The following PRKAA2 variants were observed in gnomAD, a reference collection of about 807,000 sequenced individuals.
PRKAA2 encodes protein kinase AMP-activated catalytic subunit alpha 2, also known as 5'-AMP-activated protein kinase catalytic subunit alpha-2.
Under a neutral mutation model 56.3 loss-of-function variants are expected in PRKAA2, and 40 were observed. That is an observed-to-expected ratio of 0.71 (90% CI 0.55 to 0.92). The LOEUF (loss-of-function observed/expected upper bound fraction) is 0.92, where lower values mean the gene tolerates loss of function less well. PRKAA2 is among the 40% of genes least tolerant of loss of function. The probability of loss-of-function intolerance (pLI) is 0.00; values close to 1 mark genes in which losing one functional copy is unlikely to be tolerated. For missense variants in PRKAA2, 542 were observed against 686.9 expected, an observed-to-expected ratio of 0.79 and a Z score of 2.36; for synonymous variants, 214 against 234.2, an observed-to-expected ratio of 0.91 and a Z score of 0.79.
In PRKAA2 at chr1:56,645,450, G is replaced by T; in HGVS notation, c.63G>T (p.Thr21=). 2.0e-6 allele frequency: 3 copies of T among 1,507,980 alleles called. No individual in the cohort carries two copies. Among genetic ancestry groups the T allele is most frequent in the Non-Finnish European group, 2.7e-6 (3 of 1,122,046 alleles). 93.4% of individuals were successfully genotyped at this position (1,507,980 alleles called of 1,614,324 possible). The change falls in exon 1 of 9, where the codon ACG becomes ACT. Residue 21 remains threonine, a synonymous_variant. Transcript: ENST00000371244. ...VKIGHYVLGD[T]LGVGTFGKVK... ...TCGGACACTACGTGCTGGGCGACAC[G>T]CTGGGCGTCGGCACCTTCGGCAAAG...
intron 1 of PRKAA2, chr1:56,671,387 C>T (rs1398317044): frequency 6.6e-6 from 1 of 152,094 alleles, no homozygotes; most frequent in Non-Finnish European, 1.5e-5. Flanking sequence ...ATAAAATTCC[C>T]AAAGATGAGT....
At chr1:56,672,772 G>T (rs1446440981) in intron 1 of PRKAA2, among the ~76,000 whole-genome samples, 1 of 152,144 alleles carries the variant, frequency 6.6e-6, no homozygotes, top group Non-Finnish European at 1.5e-5. Flanking sequence ...TGACTGTTTG[G>T]TATCCGTAGA....
chr1:56,652,614 G>A (rs1643910418), intron 1 of PRKAA2, among the ~76,000 whole-genome samples: 1 of 152,180 alleles, frequency 6.6e-6, no homozygotes, highest in South Asian at 2.1e-4. Context: ...TAGATGCTGA[G>A]CCTTTGTTTC....
At chr1:56,650,517 T>A (rs1646678471) in intron 1 of PRKAA2, among the ~76,000 whole-genome samples, 1 of 152,226 alleles carries the variant, frequency 6.6e-6, no homozygotes, top group African/African-American at 2.4e-5. Context: ...TCTAGAAGAA[T>A]GGTCCTGTTG....
In PRKAA2 at chr1:56,704,373, G is replaced by A. The variant is rs368509551; in HGVS notation, c.1191G>A (p.Val397=). 3.1e-6 allele frequency: 5 copies of A among 1,613,968 alleles called. No individual in the cohort carries two copies. In the African/African-American group the frequency reaches 6.7e-5, roughly 22 times the overall value. Residue 397 remains valine, a synonymous_variant, in exon 7 of 9, where the codon GTG becomes GTA. Coordinates refer to ENST00000371244, the MANE Select transcript of PRKAA2 (RefSeq NM_006252.4). ...CGACTAAGCCCAAATCTTTAGCTGTGAAAAAAGCCAAGTGGCATCTTGGAA... is the reference window on the plus strand; with the variant it reads ...CGACTAAGCCCAAATCTTTAGCTGTAAAAAAAGCCAAGTGGCATCTTGGAA... ...LNTTKPKSLA[V]KKAKWHLGIR... is the part of the protein sequence containing the mutation.
chr1:56,690,081 T>G (rs942469220), intron 2 of PRKAA2, among the ~76,000 whole-genome samples: 1 of 151,214 alleles, frequency 6.6e-6, no homozygotes. Flanking sequence ...CAACATTATC[T>G]TTTTAATCTG....
At chr1:56,650,648 T>G (rs1479076558) in intron 1 of PRKAA2, among the ~76,000 whole-genome samples, 1 of 152,180 alleles carries the variant, frequency 6.6e-6, no homozygotes, top group African/African-American at 2.4e-5. Flanking sequence ...TTAAACAAAT[T>G]TTTTTCAACA....
At chr1:56,691,046 C>A (rs1644225856) in intron 2 of PRKAA2, among the ~76,000 whole-genome samples, 2 of 152,104 alleles carry the variant, frequency 1.3e-5, no homozygotes, top group Non-Finnish European at 2.9e-5. Flanking sequence ...AGTGTCTGGC[C>A]CAAGTATATT....
At position 56,656,008 on chromosome 1, in the gene PRKAA2, A is replaced by C. The variant is rs117758907; in HGVS notation, c.94+10527A>C. ...AGATAGTAAAGATATCAAACACAGAATTTTAAATAACTGATACTTTTGTTT... is the reference window on the plus strand; with the variant it reads ...AGATAGTAAAGATATCAAACACAGACTTTTAAATAACTGATACTTTTGTTT... On this transcript the variant is annotated intron_variant, in intron 1 of 8. Transcript: ENST00000371244. Among the ~76,000 whole-genome samples, 191 of 152,348 alleles carry C rather than the reference A, an allele frequency of 1.3e-3. 3 individuals are homozygous for C. The East Asian group carries it at 0.031, about 25-fold the overall frequency.
At chr1:56,647,171 A>G (rs1341092140) in intron 1 of PRKAA2, among the ~76,000 whole-genome samples, 1 of 152,204 alleles carries the variant, frequency 6.6e-6, no homozygotes, top group African/African-American at 2.4e-5. Context: ...TAGAGTGGAT[A>G]GTTAGAATGT....
chr1:56,658,740 T>C (rs1250225279), intron 1 of PRKAA2, among the ~76,000 whole-genome samples: 16 of 148,318 alleles, frequency 1.1e-4, no homozygotes, highest in East Asian at 2.0e-4. Flanking sequence ...TCCTGCCTTC[T>C]TTTTTTTTTC....
chr1:56,710,383 A>G lies in PRKAA2; in HGVS notation c.*2670A>G, dbSNP rs2100444826. 6.6e-6 allele frequency: 1 copy of G among 152,252 alleles called. No individual in the cohort carries two copies. The highest frequency in any genetic ancestry group is 6.5e-5 in the Admixed American group (1 of 15,282). The allele number at this position is 152,252 out of a possible 1,614,324, so 9.4% of individuals were successfully genotyped here. A position where few individuals can be genotyped will look rare whatever the true frequency, so the allele number is the denominator to read the frequency against. On this transcript the variant is annotated 3_prime_UTR_variant, in exon 9 of 9. Transcript: ENST00000371244. ...GAAGATGACAGTGGATGTCAGCATT[A>G]AAGACTTTGACAGGTCTTTCTGTGA...
rs1468999679 is a variant in PRKAA2 at position 56,714,511 on chromosome 1, AC to A, written c.*6799del. On this transcript the variant is annotated 3_prime_UTR_variant, in exon 9 of 9. Coordinates refer to ENST00000371244, the MANE Select transcript of PRKAA2 (RefSeq NM_006252.4). ...TCACAAATTGTGGTGTTGTTAGGTG[AC>A]ATTTAATATTTCTTGAGACCTCAAG... 6.6e-6 allele frequency: 1 copy of A among 152,154 alleles called. No individual in the cohort carries two copies. Among genetic ancestry groups the A allele is most frequent in the African/African-American group, 2.4e-5 (1 of 41,462 alleles). 9.4% of individuals were successfully genotyped at this position (152,154 alleles called of 1,614,324 possible). A position where few individuals can be genotyped will look rare whatever the true frequency, so the allele number is the denominator to read the frequency against.
At chr1:56,696,253 AC>A in intron 6 of PRKAA2, 94 bp downstream of exon 6, 1 of 1,145,176 alleles carries the variant, frequency 8.7e-7, no homozygotes, top group Non-Finnish European at 1.3e-6. Context: ...TCCTGCCCTC[AC>A]CACCTCACCC....
intron 1 of PRKAA2, among the ~76,000 whole-genome samples, chr1:56,652,307 G>A (rs946775747): frequency 4.6e-5 from 7 of 151,792 alleles, no homozygotes; most frequent in African/African-American, 9.7e-5. Flanking sequence ...TATTGCGCCC[G>A]GCCTCACCCG....
intron 6 of PRKAA2, among the ~76,000 whole-genome samples, chr1:56,698,105 TG>T (rs796522407): frequency 1.6e-4 from 23 of 145,432 alleles, no homozygotes; most frequent in African/African-American, 5.3e-4. Context: ...TTTAAAGAGA[TG>T]GGGTCTTGCT....
At chr1:56,658,646 C>A (rs988506655) in intron 1 of PRKAA2, among the ~76,000 whole-genome samples, 1 of 142,812 alleles carries the variant, frequency 7.0e-6, no homozygotes, top group African/African-American at 2.6e-5. Context: ...GGGTCTCACT[C>A]TGTTGCCCAG....
intron 2 of PRKAA2, among the ~76,000 whole-genome samples, chr1:56,675,182 T>C (rs1350400119): frequency 6.6e-6 from 1 of 152,178 alleles, no homozygotes; most frequent in African/African-American, 2.4e-5. Context: ...ATAATGTGTT[T>C]CTTTCAGTCA....
chr1:56,655,280 A>ATATATATATATTTTTTT, intron 1 of PRKAA2, among the ~76,000 whole-genome samples: 103 of 93,628 alleles, frequency 1.1e-3, no homozygotes, highest in African/African-American at 4.2e-3. Flanking sequence ...ATATATATAT[A>ATATATATATATTTTTTT]TTTTTTTTTT....
Sources: gnomAD v4.1 joint callset for allele counts (sites outside exome capture counted in the v4.1 genomes callset) on GRCh38, gnomAD v4.1.1 for gene constraint, MANE v1.5 for transcripts, NCBI Gene and HGNC (gene_info 2026-07-23, HGNC 2026-07-21) for gene names.